Variants in TBX15 observed in about 807,000 individuals in gnomAD.
TBX15 encodes the protein T-box transcription factor 15.
A neutral mutation model predicts 53.9 loss-of-function variants in TBX15; 18 were observed. The ratio of observed to expected loss-of-function variants is 0.33; its 90% CI spans 0.23 to 0.49. TBX15 has a LOEUF of 0.49. Among genes scored for constraint, TBX15 ranks in the 20% least tolerant of loss-of-function variants. The pLI, the probability that TBX15 is intolerant of heterozygous loss-of-function variation, is 0.98. For missense variants in TBX15, 692 were observed against 749.5 expected, an observed-to-expected ratio of 0.92 and a Z score of 0.90; for synonymous variants, 295 against 278.0, an observed-to-expected ratio of 1.06 and a Z score of -0.61.
chr1:118,980,404 C>T (rs998428250), intron 1 of TBX15, among the ~76,000 whole-genome samples: 4 of 152,164 alleles, frequency 2.6e-5, no homozygotes, highest in Admixed American at 1.3e-4. Flanking sequence ...GGGAACTCTA[C>T]TCGTCATCTG....
intron 7 of TBX15, 139 bp downstream of exon 7, chr1:118,898,889 G>A: frequency 1.2e-6 from 1 of 854,676 alleles, no homozygotes; most frequent in Non-Finnish European, 1.9e-6. Flanking sequence ...GTTATTTACA[G>A]AGCTCCTGAG....
intron 6 of TBX15, among the ~76,000 whole-genome samples, chr1:118,902,677 T>C (rs1654671189): frequency 6.6e-6 from 1 of 152,164 alleles, no homozygotes; most frequent in Admixed American, 6.5e-5. Context: ...GGTTTGCATT[T>C]TCCTTGTCTT....
Position 118,931,788 on chromosome 1 carries a change from G to A in TBX15, c.250C>T (p.Arg84Trp), listed in dbSNP as rs754656738. Residue 84 changes from arginine to tryptophan, a missense_variant, in exon 2 of 8, where the codon CGG (arginine) becomes TGG (tryptophan). Arg to Trp is a moderately radical substitution (Grantham distance 101). This residue lies in a region of TBX15 where 307 missense variants were observed against 347.5 expected (regional missense o/e 0.88). Transcript: ENST00000369429. ...TGAGTACTGAAGGAGCAGGAAGTCC[G>A]CTCAGTGAGGACCTCAGAATCTGAA... Reference protein sequence around the residue: ...TGSDSEVLTERTSCSFSTHTD... With the variant: ...TGSDSEVLTEWTSCSFSTHTD... 45 of 1,602,732 alleles carry A rather than the reference G, an allele frequency of 2.8e-5. No individual in the cohort carries two copies. The highest frequency in any genetic ancestry group is 3.3e-5 in the South Asian group (3 of 89,846).
intron 1 of TBX15, among the ~76,000 whole-genome samples, chr1:118,969,336 T>C (rs1377251323): frequency 6.6e-6 from 1 of 152,206 alleles, no homozygotes; most frequent in Non-Finnish European, 1.5e-5. Context: ...GAGTTGTTGA[T>C]TCTGGCCTCT....
chr1:118,903,935 T>G (rs576285704), intron 6 of TBX15, among the ~76,000 whole-genome samples: 61 of 152,284 alleles, frequency 4.0e-4, no homozygotes, highest in African/African-American at 1.4e-3. Context: ...TCAAGGAAGA[T>G]TCCACAAAAG....
At position 118,923,454 on chromosome 1, in the gene TBX15, C is replaced by G. The variant is rs1314050363; in HGVS notation, c.843G>C (p.Thr281=). The G allele has an allele frequency of 6.2e-7, 1 of 1,613,710 alleles. No homozygotes were observed. Among genetic ancestry groups the G allele is most frequent in the Non-Finnish European group, 8.5e-7 (1 of 1,179,902 alleles). The part of the protein sequence containing the change: ...NFPETVFTTV[T]AYQNQQITRL... ...CTCTTACCTGCTGATTCTGATAGGC[C>G]GTAACTGTGGTGAACACAGTCTCAG... The change falls in exon 5 of 8, where the codon ACG becomes ACC. Residue 281 remains threonine (T), a synonymous_variant. Transcript: ENST00000369429.
At chr1:118,903,690 T>C (rs977521621) in intron 6 of TBX15, among the ~76,000 whole-genome samples, 4 of 152,162 alleles carry the variant, frequency 2.6e-5, no homozygotes, top group African/African-American at 9.7e-5. Context: ...ACAGAGGTCT[T>C]GAAGTAATAA....
chr1:118,939,437 CAAAAA>C (rs1656080228), intron 1 of TBX15, among the ~76,000 whole-genome samples: 2 of 84,724 alleles, frequency 2.4e-5, no homozygotes, highest in African/African-American at 9.6e-5. Flanking sequence ...AAAAAAAAAA[CAAAAA>C]CAGGAACAGA....
intron 1 of TBX15, among the ~76,000 whole-genome samples, chr1:118,958,346 T>C (rs1189934415): frequency 6.6e-6 from 1 of 152,192 alleles, no homozygotes; most frequent in Non-Finnish European, 1.5e-5. Flanking sequence ...ACTTTTAGCC[T>C]TCAGAGCAGT....
intron 5 of TBX15, among the ~76,000 whole-genome samples, chr1:118,917,039 T>C (rs1411454858): frequency 1.3e-5 from 2 of 152,134 alleles, no homozygotes. Flanking sequence ...GAATCAGAAA[T>C]AGCATTTAAC....
intron 1 of TBX15, among the ~76,000 whole-genome samples, chr1:118,949,367 C>T (rs186833755): frequency 1.3e-5 from 2 of 152,220 alleles, no homozygotes; most frequent in Non-Finnish European, 2.9e-5. Context: ...AATCTCTCCC[C>T]TCTAGAAATA....
intron 1 of TBX15, among the ~76,000 whole-genome samples, chr1:118,957,236 G>T (rs1032445237): frequency 6.6e-6 from 1 of 152,160 alleles, no homozygotes; most frequent in African/African-American, 2.4e-5. Context: ...AATCAAGGAA[G>T]AAAAAGGAAA....
chr1:118,914,168 T>C lies in TBX15; in HGVS notation c.873A>G (p.Leu291=). 6.2e-7 allele frequency: 1 copy of C among 1,613,628 alleles called. No individual in the cohort carries two copies. The highest frequency in any genetic ancestry group is 8.5e-7 in the Non-Finnish European group (1 of 1,179,674). The change falls in exon 6 of 8, where the codon TTA becomes TTG. Residue 291 remains leucine, a synonymous_variant. Coordinates refer to ENST00000369429, the MANE Select transcript of TBX15 (RefSeq NM_001330677.2). ...TAYQNQQITR[L]KIDRNPFAKG... ...TAGCAAAAGGGTTTCGGTCAATTTTTAATCTGGTAATCTGGAAACAAACAA... is the reference window on the plus strand; with the variant it reads ...TAGCAAAAGGGTTTCGGTCAATTTTCAATCTGGTAATCTGGAAACAAACAA...
At position 118,924,664 on chromosome 1, in the gene TBX15, C is replaced by G; in HGVS notation, c.675G>C (p.Glu225Asp). Reference sequence around the variant, plus strand: ...GACTCACATGTCCTTGATCATCCAACTCATTGTTGGTAAGCTTGAGTTTGT... The same window carrying G: ...GACTCACATGTCCTTGATCATCCAAGTCATTGTTGGTAAGCTTGAGTTTGT... Reference protein sequence around the residue: ...SFDKLKLTNNELDDQGHIILH... With the variant: ...SFDKLKLTNNDLDDQGHIILH... The change falls in exon 4 of 8, where the codon GAG (glutamate) becomes GAC (aspartate). Residue 225 changes from glutamate (E) to aspartate (D), a missense_variant. Glu to Asp is a conservative substitution (Grantham distance 45). This residue lies in a region of TBX15 where 307 missense variants were observed against 347.5 expected (regional missense o/e 0.88). Coordinates refer to ENST00000369429, the MANE Select transcript of TBX15 (RefSeq NM_001330677.2). The G allele has an allele frequency of 6.2e-7, 1 of 1,614,024 alleles. No individual in the cohort carries two copies. The highest frequency in any genetic ancestry group is 8.5e-7 in the Non-Finnish European group (1 of 1,179,940).
At chr1:118,936,654 CACAAAGAGTTAATGGTCA>C (rs1229937869) in intron 1 of TBX15, among the ~76,000 whole-genome samples, 5 of 152,112 alleles carry the variant, frequency 3.3e-5, no homozygotes, top group Non-Finnish European at 5.9e-5. Flanking sequence ...CAAGAACTAA[CACAAAGAGTTAATGGTCA>C]ACATTATTGA....
In TBX15 at chr1:118,923,570, G is replaced by C. The variant is rs889882160; in HGVS notation, c.727C>G (p.Arg243Gly). ...ILHSMHKYQP[R>G]VHVIRKDFSS... Reference sequence around the variant, plus strand: ...AAGTCTTTGCGAATCACATGAACTCGAGGCTGGTATTTGTGCATAGAGTGC... The same window carrying C: ...AAGTCTTTGCGAATCACATGAACTCCAGGCTGGTATTTGTGCATAGAGTGC... Residue 243 changes from arginine (R) to glycine (G), a missense_variant, in exon 5 of 8, where the codon CGA becomes GGA. Arg to Gly is a moderately radical substitution (Grantham distance 125). Around this residue, in one of 3 missense-constraint regions of TBX15, gnomAD observed 307 missense variants for 347.5 expected, o/e 0.88. Coordinates refer to ENST00000369429, the MANE Select transcript of TBX15 (RefSeq NM_001330677.2). 6.2e-7 allele frequency: 1 copy of C among 1,613,866 alleles called. No homozygotes were observed. Among genetic ancestry groups the C allele is most frequent in the Non-Finnish European group, 8.5e-7 (1 of 1,179,924 alleles).
At position 118,931,798 on chromosome 1, in the gene TBX15, G is replaced by A. The variant is rs200704054; in HGVS notation, c.240C>T (p.Val80=). The change falls in exon 2 of 8, where the codon GTC becomes GTT. Residue 80 remains valine (V), a synonymous_variant. Transcript: ENST00000369429. ...AGGAGCAGGAAGTCCGCTCAGTGAG[G>A]ACCTCAGAATCTGAACCAGTGCTCT... ...SEQSTGSDSE[V]LTERTSCSFS... 44 of 1,597,240 alleles carry A rather than the reference G, an allele frequency of 2.8e-5. No individual in the cohort carries two copies. Among genetic ancestry groups the A allele is most frequent in the Non-Finnish European group, 3.8e-5 (44 of 1,170,146 alleles).
chr1:118,923,314 A>T, intron 5 of TBX15, 122 bp downstream of exon 5: 1 of 1,276,156 alleles, frequency 7.8e-7, no homozygotes, highest in East Asian at 2.5e-5. Flanking sequence ...AGTACTTAAC[A>T]TTTAGTGGAC....
At chr1:118,909,288 G>C (rs1445772192) in intron 6 of TBX15, among the ~76,000 whole-genome samples, 1 of 152,218 alleles carries the variant, frequency 6.6e-6, no homozygotes, top group Admixed American at 6.5e-5. Flanking sequence ...TGGGGGTTGT[G>C]GCATAAGCGA....
Sources: allele counts gnomAD v4.1 joint callset (sites outside exome capture counted in the v4.1 genomes callset), GRCh38; gene constraint gnomAD v4.1.1; regional missense constraint gnomAD v4.1.1; transcripts MANE v1.5; gene names NCBI Gene and HGNC (gene_info 2026-07-23, HGNC 2026-07-21).